LRP1B: variants seen among roughly 807,000 people sequenced by gnomAD.
The protein encoded by LRP1B is low-density lipoprotein receptor-related protein 1B.
LRP1B carries 217 observed loss-of-function variants against 556.6 expected under a neutral mutation model. The ratio of observed to expected loss-of-function variants is 0.39; its 90% CI spans 0.35 to 0.44. LRP1B has a LOEUF of 0.44. Ranked by LOEUF, LRP1B falls within the 20% of genes least tolerant of loss-of-function variation. The pLI, the probability that LRP1B is intolerant of heterozygous loss-of-function variation, is 1.00. For synonymous variants in LRP1B, 2,047 were observed against 1,865.8 expected, an observed-to-expected ratio of 1.10 and a Z score of -2.50; for missense variants, 5,053 against 5,620.8, an observed-to-expected ratio of 0.90 and a Z score of 3.23.
chr2:141,270,999 T>G (rs1026533014), intron 3 of LRP1B, among the ~76,000 whole-genome samples: 2 of 151,676 alleles, frequency 1.3e-5, no homozygotes, highest in African/African-American at 2.4e-5. Flanking sequence ...AAGAAGTAAA[T>G]GAAGCTATAA....
intron 41 of LRP1B, among the ~76,000 whole-genome samples, chr2:140,619,734 T>C (rs751031957): frequency 6.6e-6 from 1 of 152,204 alleles, no homozygotes; most frequent in Non-Finnish European, 1.5e-5. Context: ...ATGTTGGTAT[T>C]ATTATGGCAA....
intron 7 of LRP1B, among the ~76,000 whole-genome samples, chr2:141,171,587 G>A (rs187610544): frequency 1.1e-3 from 165 of 152,112 alleles, no homozygotes; most frequent in African/African-American, 3.9e-3. Context: ...TCTTCTGGAT[G>A]AATGCTGGAA....
chr2:140,764,497 C>T (rs1689034684), intron 35 of LRP1B, among the ~76,000 whole-genome samples: 1 of 152,034 alleles, frequency 6.6e-6, no homozygotes, highest in African/African-American at 2.4e-5. Flanking sequence ...CCTTCTAGTT[C>T]TATGTTTCAA....
intron 43 of LRP1B, among the ~76,000 whole-genome samples, chr2:140,578,018 ATTAAACT>A (rs1325109585): frequency 6.6e-6 from 1 of 152,206 alleles, no homozygotes; most frequent in Non-Finnish European, 1.5e-5. Context: ...TAAAAGAATG[ATTAAACT>A]TTATAATAAA....
Position 140,994,457 on chromosome 2 carries a change from T to C in LRP1B, c.2504-322A>G, listed in dbSNP as rs112023411. On this transcript the variant is annotated intron_variant, in intron 15 of 90. Coordinates refer to ENST00000389484, the MANE Select transcript of LRP1B (RefSeq NM_018557.3). ...TAAGTCGAATACATAGAGAATAAAG[T>C]GGTAATGGAGAGGAGAAGAGGAGAT... Among the ~76,000 whole-genome samples the C allele has an allele frequency of 6.0e-5, 9 of 149,676 alleles. 2 individuals carry two copies. Among genetic ancestry groups the C allele is most frequent in the African/African-American group, 2.2e-4 (9 of 40,664 alleles).
chr2:141,536,828 T>G (rs1685084749), intron 2 of LRP1B, among the ~76,000 whole-genome samples: 1 of 152,012 alleles, frequency 6.6e-6, no homozygotes, highest in Admixed American at 6.6e-5. Flanking sequence ...AAATTATGAG[T>G]CTGATATTTA....
chr2:140,738,906 T>A (rs960923236), intron 35 of LRP1B, among the ~76,000 whole-genome samples: 9 of 152,318 alleles, frequency 5.9e-5, no homozygotes, highest in African/African-American at 2.2e-4. Context: ...TATAATTGGA[T>A]CTTTTGTAAT....
chr2:140,358,083 T>G lies in LRP1B; in HGVS notation c.11291A>C (p.Lys3764Thr). 6.2e-7 allele frequency: 1 copy of G among 1,611,324 alleles called. No homozygotes were observed. ...TTTATTACTACAAGCAAACTCATCCTTTTTACAAGGCCTTGCTTTATATGT... is the reference window on the plus strand; with the variant it reads ...TTTATTACTACAAGCAAACTCATCCGTTTTACAAGGCCTTGCTTTATATGT... Reference protein sequence around the residue: ...KLTYKARPCKKDEFACSNKKC... With the variant: ...KLTYKARPCKTDEFACSNKKC... The change falls in exon 74 of 91, where the codon AAG (lysine) becomes ACG (threonine). Residue 3764 changes from lysine to threonine, a missense_variant. This residue lies in a region of LRP1B where 599 missense variants were observed against 648.4 expected (regional missense o/e 0.92). Coordinates refer to ENST00000389484, the MANE Select transcript of LRP1B (RefSeq NM_018557.3).
intron 2 of LRP1B, among the ~76,000 whole-genome samples, chr2:141,697,892 T>A (rs1691787250): frequency 6.6e-6 from 1 of 151,964 alleles, no homozygotes; most frequent in Non-Finnish European, 1.5e-5. Context: ...CACTTTAATA[T>A]GATGATTACT....
chr2:140,720,620 G>C (rs1687367873), intron 35 of LRP1B, among the ~76,000 whole-genome samples: 1 of 152,078 alleles, frequency 6.6e-6, no homozygotes, highest in East Asian at 1.9e-4. Context: ...ATCATGCAGG[G>C]TTCTGTCTGA....
chr2:140,765,630 G>T lies in LRP1B; in HGVS notation c.5758+3583C>A, dbSNP rs533235670. ...TGAACATTTTAAATCTAGCCACAGG[G>T]TCTTTTTTTCTTCTGTGGAGAGTAT... On this transcript the variant is annotated intron_variant, in intron 35 of 90. Transcript: ENST00000389484. 2.0e-5 allele frequency among the ~76,000 whole-genome samples: 3 copies of T among 152,160 alleles called. 1 individual carries two copies. Among genetic ancestry groups the T allele is most frequent in the Admixed American group, 2.0e-4 (3 of 15,248 alleles).
intron 22 of LRP1B, among the ~76,000 whole-genome samples, chr2:140,906,504 A>G (rs1223355773): frequency 6.6e-6 from 1 of 152,030 alleles, no homozygotes; most frequent in African/African-American, 2.4e-5. Flanking sequence ...AAGTACTAAT[A>G]TTTTTCAATA....
intron 23 of LRP1B, among the ~76,000 whole-genome samples, chr2:140,893,055 C>T (rs1266838270): frequency 1.3e-5 from 2 of 151,716 alleles, no homozygotes; most frequent in East Asian, 3.9e-4. Flanking sequence ...AAAGAGAGAC[C>T]CAAGGGAGGG....
chr2:140,391,025 A>G (rs758924817), intron 66 of LRP1B, among the ~76,000 whole-genome samples: 2 of 152,098 alleles, frequency 1.3e-5, no homozygotes, highest in African/African-American at 2.4e-5. Context: ...TCTTGTAGGT[A>G]TTCACCCAAT....
chr2:141,402,679 T>C (rs1469225266), intron 3 of LRP1B, among the ~76,000 whole-genome samples: 8 of 152,110 alleles, frequency 5.3e-5, no homozygotes, highest in Admixed American at 3.3e-4. Flanking sequence ...ATCAAAAAAC[T>C]TGCAAACTAT....
chr2:141,888,318 A>G (rs1414562071), intron 1 of LRP1B, among the ~76,000 whole-genome samples: 1 of 152,174 alleles, frequency 6.6e-6, no homozygotes, highest in African/African-American at 2.4e-5. Context: ...TTCCAGTTCA[A>G]TATGTGACCT....
chr2:140,623,083 G>A (rs1245611657), intron 41 of LRP1B, among the ~76,000 whole-genome samples: 1 of 152,154 alleles, frequency 6.6e-6, no homozygotes, highest in South Asian at 2.1e-4. Context: ...AGAAGGCATT[G>A]TATGCAATGT....
At chr2:141,815,729 C>A (rs759826150) in intron 1 of LRP1B, among the ~76,000 whole-genome samples, 1 of 152,158 alleles carries the variant, frequency 6.6e-6, no homozygotes, top group Non-Finnish European at 1.5e-5. Context: ...GCAGCAGCAA[C>A]CTCCTTGGAT....
At chr2:142,049,792 C>T (rs991755676) in intron 1 of LRP1B, among the ~76,000 whole-genome samples, 1 of 152,090 alleles carries the variant, frequency 6.6e-6, no homozygotes, top group African/African-American at 2.4e-5. Context: ...GTCTAAAACC[C>T]ATTCTATCTT....
Sources: gnomAD v4.1 joint callset for allele counts (sites outside exome capture counted in the v4.1 genomes callset) on GRCh38, gnomAD v4.1.1 for gene constraint, gnomAD v4.1.1 regional missense constraint, MANE v1.5 for transcripts, NCBI Gene and HGNC (gene_info 2026-07-23, HGNC 2026-07-21) for gene names.